SPOCK1: variants seen among roughly 807,000 people sequenced by gnomAD.
SPOCK1 encodes the protein SPARC (osteonectin), cwcv and kazal like domains proteoglycan 1.
A neutral mutation model predicts 55.3 loss-of-function variants in SPOCK1; 23 were observed. That is an observed-to-expected ratio of 0.42 (90% confidence interval 0.30 to 0.59). SPOCK1 has a LOEUF of 0.59. Ranked by LOEUF, SPOCK1 falls within the 20% of genes least tolerant of loss-of-function variation. SPOCK1 has a pLI of 0.22. For missense variants in SPOCK1, 499 were observed against 552.5 expected, an observed-to-expected ratio of 0.90 and a Z score of 0.97; for synonymous variants, 226 against 221.0, an observed-to-expected ratio of 1.02 and a Z score of -0.20.
intron 3 of SPOCK1, among the ~76,000 whole-genome samples, chr5:137,261,183 C>T (rs1756736212): frequency 6.6e-6 from 1 of 152,178 alleles, no homozygotes; most frequent in African/African-American, 2.4e-5. Flanking sequence ...TGAGGCTAAA[C>T]TCCACATTAT....
intron 2 of SPOCK1, among the ~76,000 whole-genome samples, chr5:137,355,595 G>A (rs1204225696): frequency 6.6e-6 from 1 of 152,178 alleles, no homozygotes; most frequent in Admixed American, 6.5e-5. Context: ...GGCTTGGTAT[G>A]GGGCTGGGCA....
At chr5:137,480,778 T>C (rs1670276249) in intron 2 of SPOCK1, among the ~76,000 whole-genome samples, 1 of 151,976 alleles carries the variant, frequency 6.6e-6, no homozygotes, top group Non-Finnish European at 1.5e-5. Context: ...CAGGGGAAAG[T>C]GGGAAGTATT....
intron 2 of SPOCK1, among the ~76,000 whole-genome samples, chr5:137,418,390 A>G (rs1297703685): frequency 6.6e-6 from 1 of 152,238 alleles, no homozygotes; most frequent in East Asian, 1.9e-4. Flanking sequence ...ACTGACTTCC[A>G]TAATGGTTGA....
At chr5:137,315,630 CCTTTGAG>C (rs1336778006) in intron 2 of SPOCK1, among the ~76,000 whole-genome samples, 2 of 152,156 alleles carry the variant, frequency 1.3e-5, no homozygotes, top group Admixed American at 1.3e-4. Context: ...CACAAACACC[CCTTTGAG>C]GTCATTTCAT....
chr5:137,141,817 G>T (rs1300564041), intron 3 of SPOCK1, among the ~76,000 whole-genome samples: 1 of 152,180 alleles, frequency 6.6e-6, no homozygotes, highest in Non-Finnish European at 1.5e-5. Flanking sequence ...TGGTTTGTAG[G>T]GAGGCAGTAA....
At chr5:137,293,833 G>A (rs916043940) in intron 2 of SPOCK1, among the ~76,000 whole-genome samples, 9 of 152,150 alleles carry the variant, frequency 5.9e-5, no homozygotes, top group East Asian at 1.9e-4. Flanking sequence ...TCGCTAACAC[G>A]GTGAAACCCC....
chr5:137,498,204 C>A (rs973910629), intron 2 of SPOCK1, among the ~76,000 whole-genome samples, 169 bp downstream of exon 2: 1 of 151,826 alleles, frequency 6.6e-6, no homozygotes, highest in Non-Finnish European at 1.5e-5. Flanking sequence ...CAGGCAAGAC[C>A]GCACCCAGGA....
intron 5 of SPOCK1, among the ~76,000 whole-genome samples, chr5:137,111,845 CT>C (rs35666820): frequency 6.6e-6 from 1 of 152,156 alleles, no homozygotes; most frequent in Admixed American, 6.5e-5. Context: ...ATCCCAGCCC[CT>C]TTTTCTGTGA....
At chr5:137,468,288 A>G (rs1753663359) in intron 2 of SPOCK1, among the ~76,000 whole-genome samples, 1 of 152,216 alleles carries the variant, frequency 6.6e-6, no homozygotes, top group Non-Finnish European at 1.5e-5. Flanking sequence ...CAAAATAAAG[A>G]TGCTTTTCTT....
chr5:137,471,640 T>A (rs538062743), intron 2 of SPOCK1, among the ~76,000 whole-genome samples: 2 of 152,162 alleles, frequency 1.3e-5, no homozygotes, highest in African/African-American at 4.8e-5. Context: ...TCTAAAGTAA[T>A]GTGAAAACCC....
chr5:137,109,475 GC>G (rs749670198), intron 5 of SPOCK1, among the ~76,000 whole-genome samples: 7 of 152,104 alleles, frequency 4.6e-5, no homozygotes, highest in Non-Finnish European at 7.3e-5. Flanking sequence ...TTTCTGAGCA[GC>G]CACTATCTAC....
At chr5:137,418,181 C>A (rs1378129924) in intron 2 of SPOCK1, among the ~76,000 whole-genome samples, 2 of 152,234 alleles carry the variant, frequency 1.3e-5, no homozygotes, top group East Asian at 3.9e-4. Flanking sequence ...ATATGTGCCA[C>A]ATTTTCTTAA....
chr5:137,359,612 G>A (rs371315011), intron 2 of SPOCK1, among the ~76,000 whole-genome samples: 2 of 152,212 alleles, frequency 1.3e-5, no homozygotes, highest in African/African-American at 4.8e-5. Context: ...AATGCAAATT[G>A]TGTTAGTTTC....
chr5:137,109,931 T>G (rs886643548), intron 5 of SPOCK1, among the ~76,000 whole-genome samples: 3 of 152,242 alleles, frequency 2.0e-5, no homozygotes, highest in Non-Finnish European at 2.9e-5. Flanking sequence ...TTTATTTCTG[T>G]GTTCCCTACC....
chr5:137,237,092 C>T (rs888988620), intron 3 of SPOCK1, among the ~76,000 whole-genome samples: 3 of 152,150 alleles, frequency 2.0e-5, no homozygotes, highest in African/African-American at 7.2e-5. Context: ...TGTAAATCAG[C>T]GATGCCAATG....
At chr5:137,246,184 T>A (rs1041805269) in intron 3 of SPOCK1, among the ~76,000 whole-genome samples, 12 of 152,352 alleles carry the variant, frequency 7.9e-5, no homozygotes, top group African/African-American at 2.6e-4. Flanking sequence ...CTGACCAATA[T>A]TTGAATTCTC....
intron 3 of SPOCK1, among the ~76,000 whole-genome samples, chr5:137,162,373 A>G (rs1025856065): frequency 1.3e-4 from 20 of 152,134 alleles, no homozygotes; most frequent in Non-Finnish European, 2.1e-4. Context: ...TCCTGACCTC[A>G]GGTGATTCTC....
intron 2 of SPOCK1, among the ~76,000 whole-genome samples, chr5:137,425,462 A>T (rs1752588063): frequency 6.6e-6 from 1 of 152,178 alleles, no homozygotes; most frequent in Non-Finnish European, 1.5e-5. Flanking sequence ...CATCTCCAAA[A>T]AAAAAAAGAG....
chr5:137,216,017 T>C (rs1353309932), intron 3 of SPOCK1, among the ~76,000 whole-genome samples: 2 of 152,126 alleles, frequency 1.3e-5, no homozygotes, highest in Non-Finnish European at 2.9e-5. Flanking sequence ...AAGCAAATGA[T>C]CCAGGGGGCA....
Sources: allele counts gnomAD v4.1 joint callset (sites outside exome capture counted in the v4.1 genomes callset), GRCh38; gene constraint gnomAD v4.1.1; transcripts MANE v1.5; gene names NCBI Gene and HGNC (gene_info 2026-07-23, HGNC 2026-07-21).